Variants in RABGAP1L observed in about 807,000 individuals in gnomAD.
RABGAP1L encodes rab GTPase-activating protein 1-like.
RABGAP1L carries 63 observed loss-of-function variants against 137.7 expected under a neutral mutation model. The ratio of observed to expected loss-of-function variants is 0.46; its 90% CI spans 0.37 to 0.56. The LOEUF (loss-of-function observed/expected upper bound fraction) is 0.56. RABGAP1L is among the 20% of genes least tolerant of loss of function. The pLI, the probability that RABGAP1L is intolerant of heterozygous loss-of-function variation, is 0.00. For synonymous variants in RABGAP1L, 431 were observed against 433.7 expected (o/e 0.99, Z 0.08); for missense variants, 1,095 against 1,244.0 (o/e 0.88, Z 1.80).
At chr1:174,165,735 A>G (rs1310624851) in intron 1 of RABGAP1L, among the ~76,000 whole-genome samples, 2 of 148,456 alleles carry the variant, frequency 1.3e-5, no homozygotes, top group African/African-American at 5.0e-5. Flanking sequence ...CTGGACTGAA[A>G]CTGTCCTCCT....
chr1:174,940,585 C>G (rs1008589562), intron 19 of RABGAP1L, among the ~76,000 whole-genome samples: 1 of 152,132 alleles, frequency 6.6e-6, no homozygotes, highest in East Asian at 1.9e-4. Flanking sequence ...ACCCTTTCTT[C>G]TTTTCTTTAT....
intron 17 of RABGAP1L, among the ~76,000 whole-genome samples, chr1:174,739,748 A>G (rs957903089): frequency 2.0e-5 from 3 of 152,220 alleles, no homozygotes; most frequent in Non-Finnish European, 2.9e-5. Flanking sequence ...ATCATCTAAC[A>G]TATTTAAGCT....
intron 10 of RABGAP1L, among the ~76,000 whole-genome samples, chr1:174,288,923 A>C (rs992496951): frequency 1.3e-5 from 2 of 151,968 alleles, no homozygotes; most frequent in Non-Finnish European, 2.9e-5. Context: ...CTAACTGGAT[A>C]ATTTTAAGTG....
At chr1:174,545,212 A>G (rs528389641) in intron 13 of RABGAP1L, 1 of 152,556 alleles carries the variant, frequency 6.6e-6, no homozygotes, top group Non-Finnish European at 1.5e-5. Context: ...ACTGGAGTCC[A>G]GGAAGGCAGG....
At chr1:174,338,903 G>A (rs1681721070) in intron 11 of RABGAP1L, among the ~76,000 whole-genome samples, 1 of 152,090 alleles carries the variant, frequency 6.6e-6, no homozygotes, top group African/African-American at 2.4e-5. Context: ...AGAAAAGTGT[G>A]TTACAGAGCT....
At chr1:174,183,534 G>A (rs575432430) in intron 1 of RABGAP1L, among the ~76,000 whole-genome samples, 2 of 152,188 alleles carry the variant, frequency 1.3e-5, no homozygotes, top group African/African-American at 2.4e-5. Flanking sequence ...CTTACACAAC[G>A]TGCACAGCCT....
At chr1:174,186,144 CAAAA>C (rs201540764) in intron 1 of RABGAP1L, among the ~76,000 whole-genome samples, 2 of 91,836 alleles carry the variant, frequency 2.2e-5, no homozygotes, top group East Asian at 3.2e-4. Flanking sequence ...AATTCCATCT[CAAAA>C]AAAAAAAAAA....
intron 20 of RABGAP1L, among the ~76,000 whole-genome samples, chr1:174,968,923 G>A (rs941942100): frequency 1.6e-4 from 24 of 152,092 alleles, no homozygotes; most frequent in South Asian, 1.2e-3. Flanking sequence ...TGAGACTACC[G>A]TGCATGTTTC....
chr1:174,489,441 C>A (rs1416291851), intron 13 of RABGAP1L, among the ~76,000 whole-genome samples: 8 of 152,122 alleles, frequency 5.3e-5, no homozygotes, highest in Non-Finnish European at 1.2e-4. Flanking sequence ...CTCATCATCA[C>A]TGGCCATCAG....
At position 174,589,816 on chromosome 1, in the gene RABGAP1L, A is replaced by G. The variant is rs527433825; in HGVS notation, c.1711-47559A>G. Among the ~76,000 whole-genome samples, 4 of 152,194 alleles carry G rather than the reference A, an allele frequency of 2.6e-5. No homozygotes were observed. In the South Asian group the frequency reaches 8.3e-4, roughly 32 times the overall value. On this transcript the variant is annotated intron_variant, in intron 13 of 25. Transcript: ENST00000681986. ...ATTCTTTATTCTGTTCCATTGGTCT[A>G]TGTGTTTCTTTTTATGCCAGTCCCG...
At chr1:174,763,360 C>T (rs1206987965) in intron 18 of RABGAP1L, among the ~76,000 whole-genome samples, 1 of 142,828 alleles carries the variant, frequency 7.0e-6, no homozygotes, top group African/African-American at 2.6e-5. Flanking sequence ...TACTAAAAAA[C>T]AAAAAATTGG....
Position 174,662,970 on chromosome 1 carries a change from A to T in RABGAP1L, c.1825-20552A>T, listed in dbSNP as rs533450152. Among the ~76,000 whole-genome samples, 15 of 152,396 alleles carry T rather than the reference A, an allele frequency of 9.8e-5. No individual in the cohort carries two copies. The East Asian group carries it at 2.5e-3, about 25-fold the overall frequency. On this transcript the variant is annotated intron_variant, in intron 14 of 25. Transcript: ENST00000681986. Reference sequence around the variant, plus strand: ...ATATTTCTGTATAGCTGTACAATGTAGTTTTAAGCAAAGTATTATTACAAA... The same window carrying T: ...ATATTTCTGTATAGCTGTACAATGTTGTTTTAAGCAAAGTATTATTACAAA...
At chr1:174,323,622 A>G (rs1163750310) in intron 11 of RABGAP1L, among the ~76,000 whole-genome samples, 1 of 152,108 alleles carries the variant, frequency 6.6e-6, no homozygotes, top group East Asian at 1.9e-4. Context: ...CTTTCATCAT[A>G]TTTGGAAGCA....
intron 1 of RABGAP1L, among the ~76,000 whole-genome samples, chr1:174,162,079 A>G (rs1261875181): frequency 1.3e-5 from 2 of 149,304 alleles, no homozygotes; most frequent in African/African-American, 5.0e-5. Context: ...GAATTTCTAT[A>G]TATTACAGTT....
chr1:174,613,989 G>C (rs1301761891), intron 13 of RABGAP1L, among the ~76,000 whole-genome samples: 1 of 152,152 alleles, frequency 6.6e-6, no homozygotes, highest in Admixed American at 6.5e-5. Context: ...ACAGCACACT[G>C]ATGGGTCTTG....
intron 13 of RABGAP1L, among the ~76,000 whole-genome samples, chr1:174,486,703 T>G (rs1659701018): frequency 6.6e-6 from 1 of 152,114 alleles, no homozygotes; most frequent in Non-Finnish European, 1.5e-5. Context: ...TTACTCTTGG[T>G]TTTCTAGTTC....
chr1:174,720,974 A>C (rs756909683), intron 17 of RABGAP1L, among the ~76,000 whole-genome samples: 1 of 152,232 alleles, frequency 6.6e-6, no homozygotes, highest in Non-Finnish European at 1.5e-5. Context: ...CTCATTAAAG[A>C]TAAAAATTCT....
At chr1:174,951,871 GC>G (rs1256638968) in intron 19 of RABGAP1L, among the ~76,000 whole-genome samples, 1 of 152,128 alleles carries the variant, frequency 6.6e-6, no homozygotes, top group Non-Finnish European at 1.5e-5. Flanking sequence ...CACTGGTAGT[GC>G]CCAGGGTCTT....
intron 19 of RABGAP1L, among the ~76,000 whole-genome samples, chr1:174,881,277 T>C (rs999605684): frequency 1.3e-5 from 2 of 152,102 alleles, no homozygotes; most frequent in African/African-American, 2.4e-5. Context: ...TTGACTAATA[T>C]GGAAAAGCCT....
Sources: gnomAD v4.1 joint callset for allele counts (sites outside exome capture counted in the v4.1 genomes callset) on GRCh38, gnomAD v4.1.1 for gene constraint, MANE v1.5 for transcripts, NCBI Gene and HGNC (gene_info 2026-07-23, HGNC 2026-07-21) for gene names.